Variants in GBP7 observed in about 807,000 individuals in gnomAD.
The protein encoded by GBP7 is guanylate-binding protein 7.
A neutral mutation model predicts 61.3 loss-of-function variants in GBP7; 43 were observed. The ratio of observed to expected loss-of-function variants is 0.70; its 90% CI spans 0.55 to 0.91. The LOEUF is 0.91. GBP7 is among the 40% of genes least tolerant of loss of function. The pLI is 0.00. For missense variants in GBP7, 717 were observed against 740.5 expected, an observed-to-expected ratio of 0.97 and a Z score of 0.37; for synonymous variants, 267 against 271.0, an observed-to-expected ratio of 0.99 and a Z score of 0.14.
At chr1:89,163,310 A>AT (rs1172608709) in intron 3 of GBP7, among the ~76,000 whole-genome samples, 3 of 151,740 alleles carry the variant, frequency 2.0e-5, no homozygotes, top group African/African-American at 7.3e-5. Context: ...CTCCTCCTCA[A>AT]TTTTTTGGAA....
Position 89,133,349 on chromosome 1 carries a change from T to C in GBP7, c.1571A>G (p.Gln524Arg), listed in dbSNP as rs1392156681. 1.2e-6 allele frequency: 2 copies of C among 1,614,130 alleles called. No individual in the cohort carries two copies. The highest frequency in any genetic ancestry group is 1.7e-6 in the Non-Finnish European group (2 of 1,179,982). Residue 524 changes from glutamine (Q) to arginine (R), a missense_variant, in exon 10 of 11, where the codon CAG becomes CGG. Gln to Arg is a conservative substitution (Grantham distance 43, BLOSUM62 1). Transcript: ENST00000294671. ...CTTCTTGAGTTGAGCTATGTTTTCC[T>C]GGAAACTTCTCTCTTGAGCCTCCAT... Reference protein sequence around the residue: ...QMMEAQERSFQENIAQLKKKM... With the variant: ...QMMEAQERSFRENIAQLKKKM...
intron 9 of GBP7, among the ~76,000 whole-genome samples, chr1:89,137,224 TAGAAA>T (rs1176658650): frequency 6.6e-6 from 1 of 151,972 alleles, no homozygotes; most frequent in African/African-American, 2.4e-5. Flanking sequence ...CTGCCATACA[TAGAAA>T]GAAGAGCTGG....
chr1:89,153,289 T>C (rs1360267941), intron 3 of GBP7, among the ~76,000 whole-genome samples: 3 of 152,222 alleles, frequency 2.0e-5, no homozygotes, highest in Admixed American at 2.0e-4. Context: ...TCAGCTGTAG[T>C]ATATATAGCT....
At chr1:89,145,854 A>C (rs1055555503) in intron 8 of GBP7, among the ~76,000 whole-genome samples, 1 of 152,006 alleles carries the variant, frequency 6.6e-6, no homozygotes, top group East Asian at 1.9e-4. Context: ...TTCCATGTAC[A>C]TTGACTGGAA....
intron 3 of GBP7, among the ~76,000 whole-genome samples, chr1:89,161,918 C>A (rs1647283071): frequency 6.6e-6 from 1 of 151,946 alleles, no homozygotes; most frequent in South Asian, 2.1e-4. Context: ...ATATTTAAGT[C>A]TTTAATCCAT....
chr1:89,144,538 A>G (rs1009363775), intron 8 of GBP7, among the ~76,000 whole-genome samples: 5 of 152,152 alleles, frequency 3.3e-5, no homozygotes, highest in African/African-American at 1.2e-4. Context: ...CAACCTCACC[A>G]GTATGTGCTA....
chr1:89,171,856 G>T lies in GBP7; in HGVS notation c.80C>A (p.Ala27Asp). The T allele has an allele frequency of 6.2e-7, 1 of 1,613,804 alleles. No homozygotes were observed. Among genetic ancestry groups the T allele is most frequent in the Non-Finnish European group, 8.5e-7 (1 of 1,179,864 alleles). Residue 27 changes from alanine (A) to aspartate (D), a missense_variant, in exon 2 of 11, where the codon GCT becomes GAT. Coordinates refer to ENST00000294671, the MANE Select transcript of GBP7 (RefSeq NM_207398.3). The part of the protein sequence containing the change: ...TKGHLVVNSE[A>D]LEILSAITQP... ...TGTAATGGCAGACAGGATTTCCAGA[G>T]CTTCTGAATTCACCACCAGATGCCC...
Position 89,152,407 on chromosome 1 carries a change from T to G in GBP7, c.486A>C (p.Glu162Asp). 1 of 1,614,118 alleles carries G rather than the reference T, an allele frequency of 6.2e-7. No homozygotes were observed. Among genetic ancestry groups the G allele is most frequent in the African/African-American group, 1.3e-5 (1 of 75,012 alleles). The change falls in exon 5 of 11, where the codon GAA becomes GAC. Residue 162 changes from glutamate (E) to aspartate (D), a missense_variant. Glu to Asp is a conservative substitution (Grantham distance 45, BLOSUM62 2). This residue lies in a region of GBP7 where 387 missense variants were observed against 385.2 expected (regional missense o/e 1.00). Coordinates refer to ENST00000294671, the MANE Select transcript of GBP7 (RefSeq NM_207398.3). ...TCACAAACTCGCTGGAGTCCTCAACTTCATCAGGTCTGGGGCACGATTTTG... is the reference window on the plus strand; with the variant it reads ...TCACAAACTCGCTGGAGTCCTCAACGTCATCAGGTCTGGGGCACGATTTTG... The part of the protein sequence containing the change: ...IRAKSCPRPD[E>D]VEDSSEFVSF...
chr1:89,161,871 A>G (rs1647282378), intron 3 of GBP7, among the ~76,000 whole-genome samples: 1 of 152,024 alleles, frequency 6.6e-6, no homozygotes, highest in African/African-American at 2.4e-5. Context: ...TGATATGGCC[A>G]GGGTGGTTTT....
intron 9 of GBP7, among the ~76,000 whole-genome samples, chr1:89,136,174 G>T (rs1243483081): frequency 6.6e-6 from 1 of 152,112 alleles, no homozygotes; most frequent in Non-Finnish European, 1.5e-5. Context: ...CAAGTTCAAA[G>T]AGACCTATGA....
In GBP7 at chr1:89,149,395, T is replaced by C. The variant is rs1192716485; in HGVS notation, c.1049A>G (p.Gln350Arg). 1 of 1,614,220 alleles carries C rather than the reference T, an allele frequency of 6.2e-7. No individual in the cohort carries two copies. Among genetic ancestry groups the C allele is most frequent in the Non-Finnish European group, 8.5e-7 (1 of 1,180,036 alleles). The change falls in exon 7 of 11, where the codon CAG becomes CGG. Residue 350 changes from glutamine to arginine, a missense_variant. Gln to Arg is a conservative substitution (Grantham distance 43). Around this residue, in one of 3 missense-constraint regions of GBP7, gnomAD observed 18 missense variants for 45.2 expected, o/e 0.40. Transcript: ENST00000294671. ...AACTGCATGCACGTCCAGCAGCTCC[T>C]GGAGTGTGTCTGTGGGGAATCTCAC... ...QQVRFPTDTL[Q>R]ELLDVHAVCE...
At chr1:89,143,047 A>G (rs1681989123) in intron 8 of GBP7, among the ~76,000 whole-genome samples, 1 of 152,204 alleles carries the variant, frequency 6.6e-6, no homozygotes, top group Non-Finnish European at 1.5e-5. Flanking sequence ...GTATATATCT[A>G]GGAATGGATT....
intron 4 of GBP7, 63 bp downstream of exon 4, chr1:89,152,605 C>G (rs999402269): frequency 1.2e-5 from 19 of 1,536,194 alleles, no homozygotes; most frequent in Middle Eastern, 2.1e-4. Context: ...AAAGAAGACA[C>G]AGTATCAGTT....
chr1:89,133,550 T>C lies in GBP7; in HGVS notation c.1469-99A>G, dbSNP rs1485177539. 11 of 921,622 alleles carry C rather than the reference T, an allele frequency of 1.2e-5. No individual in the cohort carries two copies. The South Asian group carries it at 1.7e-4, about 14-fold the overall frequency. 57.1% of individuals were successfully genotyped at this position (921,622 alleles called of 1,614,324 possible). A position where few individuals can be genotyped will look rare whatever the true frequency, so the allele number is the denominator to read the frequency against. On this transcript the variant is annotated intron_variant, in intron 9 of 10. Transcript: ENST00000294671. ...TGGAGTCAGGAAGAGCTTCTCCCAC[T>C]GAGAGACCAGACCGTAAAGAAGACT...
At chr1:89,169,793 G>A (rs929080980) in intron 2 of GBP7, among the ~76,000 whole-genome samples, 1 of 152,198 alleles carries the variant, frequency 6.6e-6, no homozygotes, top group African/African-American at 2.4e-5. Flanking sequence ...ATGAGAAGTT[G>A]ATGGCTTCAT....
Position 89,132,218 on chromosome 1 carries a change from A to G in GBP7, c.1848T>C (p.Asp616=), listed in dbSNP as rs1681694503. 1 of 1,613,578 alleles carries G rather than the reference A, an allele frequency of 6.2e-7. No homozygotes were observed. Among genetic ancestry groups the G allele is most frequent in the African/African-American group, 1.3e-5 (1 of 74,926 alleles). The change falls in exon 11 of 11, where the codon GAT becomes GAC. Residue 616 remains aspartate (D), a synonymous_variant. Coordinates refer to ENST00000294671, the MANE Select transcript of GBP7 (RefSeq NM_207398.3). ...AALPGAAKLV[D]LGMKILSSLC... is the part of the protein sequence containing the mutation. ...ATGAGCTAAGAATTTTCATTCCTAA[A>G]TCAACTAGCTTAGCAGCCCCAGGTA... is the stretch of plus-strand genomic sequence containing the variant.
Position 89,158,069 on chromosome 1 carries a change from A to G in GBP7, c.319-5292T>C, listed in dbSNP as rs368438004. ...AGGCTGGTTCAACACATGCAAATCA[A>G]TAAACGTAATCCATCATGTAAACAG... On this transcript the variant is annotated intron_variant, in intron 3 of 10. Transcript: ENST00000294671. Among the ~76,000 whole-genome samples the G allele has an allele frequency of 3.9e-4, 59 of 152,352 alleles. 6 individuals are homozygous for G. The highest frequency in any genetic ancestry group is 9.2e-4 in the Admixed American group (14 of 15,300).
chr1:89,161,278 G>T (rs1647258733), intron 3 of GBP7, among the ~76,000 whole-genome samples: 1 of 151,998 alleles, frequency 6.6e-6, no homozygotes, highest in African/African-American at 2.4e-5. Context: ...TAGTCCTTTG[G>T]GTACATACCC....
At chr1:89,142,895 T>C (rs1021380698) in intron 8 of GBP7, among the ~76,000 whole-genome samples, 5 of 152,226 alleles carry the variant, frequency 3.3e-5, no homozygotes, top group Non-Finnish European at 1.5e-5. Flanking sequence ...CTTATTCACT[T>C]TCATTGTGAT....
Sources: allele counts gnomAD v4.1 joint callset (sites outside exome capture counted in the v4.1 genomes callset), GRCh38; gene constraint gnomAD v4.1.1; regional missense constraint gnomAD v4.1.1; transcripts MANE v1.5; gene names NCBI Gene and HGNC (gene_info 2026-07-23, HGNC 2026-07-21).